The following LMAN1L variants were observed in gnomAD, a reference collection of about 807,000 sequenced individuals.
The protein encoded by LMAN1L is lectin, mannose binding 1 like, also known as protein ERGIC-53-like.
LMAN1L carries 60 observed loss-of-function variants against 58.3 expected under a neutral mutation model. The ratio of observed to expected loss-of-function variants is 1.03; its 90% CI spans 0.84 to 1.27. LMAN1L has a LOEUF of 1.27. Among genes scored for constraint, LMAN1L ranks in the 50% most tolerant of loss-of-function variants. LMAN1L has a pLI of 0.00. For synonymous variants in LMAN1L, 280 were observed against 271.6 expected (o/e 1.03, Z -0.31); for missense variants, 629 against 674.0 (o/e 0.93, Z 0.74).
chr15:74,819,386 G>T, intron 6 of LMAN1L, 114 bp downstream of exon 6: 3 of 1,372,796 alleles, frequency 2.2e-6, no homozygotes, highest in Non-Finnish European at 3.0e-6. Context: ...CATGACCTGG[G>T]CTTCTGTGAC....
At chr15:74,817,487 C>G (rs561702872) in intron 4 of LMAN1L, among the ~76,000 whole-genome samples, 97 of 152,330 alleles carry the variant, frequency 6.4e-4, no homozygotes, top group Admixed American at 2.9e-3. Flanking sequence ...CACTGTCAGA[C>G]GCTCTGCTGT....
Position 74,825,737 on chromosome 15 carries a change from A to C in LMAN1L, c.*132A>C. ...GCTTTCGGCATGCTCCCACCTCGTT[A>C]AAGGTGATTTCCCTCTCCCCATGCT... On this transcript the variant is annotated 3_prime_UTR_variant, in exon 14 of 14. Coordinates refer to ENST00000309664, the MANE Select transcript of LMAN1L (RefSeq NM_021819.3). The C allele has an allele frequency of 1.2e-6, 1 of 830,572 alleles. No individual in the cohort carries two copies. The highest frequency in any genetic ancestry group is 1.7e-5 in the South Asian group (1 of 58,418). The allele number at this position is 830,572 out of a possible 1,614,324, so 51.5% of individuals were successfully genotyped here. A position where few individuals can be genotyped will look rare whatever the true frequency, so the allele number is the denominator to read the frequency against.
chr15:74,825,641 A>C lies in LMAN1L; in HGVS notation c.*36A>C. 1 of 1,592,234 alleles carries C rather than the reference A, an allele frequency of 6.3e-7. No homozygotes were observed. The highest frequency in any genetic ancestry group is 8.6e-7 in the Non-Finnish European group (1 of 1,166,096). Reference sequence around the variant, plus strand: ...AGCCTGCTTTGCATCACTGGGAAGCAGGCAGTGTCTTGGGTGGGGGCTTGG... The same window carrying C: ...AGCCTGCTTTGCATCACTGGGAAGCCGGCAGTGTCTTGGGTGGGGGCTTGG... On this transcript the variant is annotated 3_prime_UTR_variant, in exon 14 of 14. Coordinates refer to ENST00000309664, the MANE Select transcript of LMAN1L (RefSeq NM_021819.3).
chr15:74,819,471 G>A, intron 6 of LMAN1L, 199 bp downstream of exon 6: 1 of 670,028 alleles, frequency 1.5e-6, no homozygotes, highest in Non-Finnish European at 2.4e-6. Context: ...TTTGATTTCA[G>A]TGCTGGCCAC....
Position 74,821,918 on chromosome 15 carries a change from G to C in LMAN1L, c.1131+18G>C. On this transcript the variant is annotated intron_variant, in intron 10 of 13. Transcript: ENST00000309664. ...TCAATAAGGTAGGGACCCAAACACTGGGTGTTGACCAGCACTGGCCCCAGC... is the reference window on the plus strand; with the variant it reads ...TCAATAAGGTAGGGACCCAAACACTCGGTGTTGACCAGCACTGGCCCCAGC... The C allele has an allele frequency of 6.4e-7, 1 of 1,569,054 alleles. No homozygotes were observed. Among genetic ancestry groups the C allele is most frequent in the East Asian group, 2.2e-5 (1 of 44,644 alleles).
Position 74,820,697 on chromosome 15 carries a change from G to T in LMAN1L, c.837G>T (p.Leu279=), listed in dbSNP as rs778756080. The change falls in exon 8 of 14, where the codon CTG becomes CTT. Residue 279 remains leucine, a synonymous_variant. Transcript: ENST00000309664. ...GCCTGGCGAGGCAGCTGGAAGGGCT[G>T]TGGGCAAGGCTGGGCTTGGGCACCA... is the stretch of plus-strand genomic sequence containing the variant. ...QLRLARQLEG[L]WARLGLGTRE... 1.9e-6 allele frequency: 3 copies of T among 1,613,988 alleles called. No homozygotes were observed. The highest frequency in any genetic ancestry group is 2.5e-6 in the Non-Finnish European group (3 of 1,180,018).
At chr15:74,824,266 G>T in intron 12 of LMAN1L, 85 bp from the exon 13 acceptor site, 2 of 1,327,260 alleles carry the variant, frequency 1.5e-6, no homozygotes, top group East Asian at 4.6e-5. Flanking sequence ...GAAAGGAAAC[G>T]GAGCATGCAC....
chr15:74,814,370 T>TTG (rs1218203864), intron 1 of LMAN1L, among the ~76,000 whole-genome samples: 2 of 80,398 alleles, frequency 2.5e-5, no homozygotes, highest in Non-Finnish European at 6.1e-5. Flanking sequence ...ATTTTTGTTT[T>TTG]TGTTTTTGTT....
chr15:74,823,877 C>G, intron 12 of LMAN1L, 195 bp downstream of exon 12: 1 of 613,436 alleles, frequency 1.6e-6, no homozygotes, highest in Non-Finnish European at 2.8e-6. Context: ...CTCATCTTTT[C>G]TCTGTCCTCT....
intron 12 of LMAN1L, 176 bp downstream of exon 12, chr15:74,823,858 AC>A (rs1714849420): frequency 1.5e-6 from 1 of 649,988 alleles, no homozygotes; most frequent in Non-Finnish European, 2.6e-6. Flanking sequence ...CATACGTGCC[AC>A]CACACATCTC....
At chr15:74,817,918 C>T (rs1046292602) in intron 4 of LMAN1L, among the ~76,000 whole-genome samples, 6 of 150,578 alleles carry the variant, frequency 4.0e-5, no homozygotes, top group Non-Finnish European at 8.9e-5. Context: ...GAGGCTGAGG[C>T]AGGAGAACCG....
Position 74,819,958 on chromosome 15 carries a change from G to A in LMAN1L, c.719-86G>A, listed in dbSNP as rs368536331. 59 of 1,262,802 alleles carry A rather than the reference G, an allele frequency of 4.7e-5. No homozygotes were observed. In the South Asian group the frequency reaches 6.8e-4, roughly 14 times the overall value. 78.2% of individuals were successfully genotyped at this position (1,262,802 alleles called of 1,614,324 possible). Reference sequence around the variant, plus strand: ...CAAAGTCACCCCTCTTGCCTCGGTGGGATATCATGGCGGTTAGGGTGAAGG... The same window carrying A: ...CAAAGTCACCCCTCTTGCCTCGGTGAGATATCATGGCGGTTAGGGTGAAGG... On this transcript the variant is annotated intron_variant, in intron 6 of 13. Coordinates refer to ENST00000309664, the MANE Select transcript of LMAN1L (RefSeq NM_021819.3).
chr15:74,816,801 C>G, intron 4 of LMAN1L, 111 bp downstream of exon 4: 1 of 1,047,460 alleles, frequency 9.5e-7, no homozygotes. Context: ...CCCACCCTGC[C>G]GGGCCGCCAT....
chr15:74,824,709 G>A (rs1044800977), intron 13 of LMAN1L: 7 of 487,868 alleles, frequency 1.4e-5, no homozygotes, highest in African/African-American at 1.4e-4. Flanking sequence ...CACTCACACA[G>A]GTCTAACTGA....
At chr15:74,816,602 C>T (rs369165871) in intron 3 of LMAN1L, 30 bp from the exon 4 acceptor site, 46 of 1,606,120 alleles carry the variant, frequency 2.9e-5, no homozygotes, top group Non-Finnish European at 3.7e-5. Context: ...GCCATGTCCG[C>T]GGCTCAGGCT....
At chr15:74,814,595 G>A (rs1057017445) in intron 1 of LMAN1L, among the ~76,000 whole-genome samples, 4 of 152,176 alleles carry the variant, frequency 2.6e-5, no homozygotes, top group Non-Finnish European at 4.4e-5. Flanking sequence ...GGATGGTTTC[G>A]ATCTCCTGAC....
chr15:74,820,736 T>A lies in LMAN1L; in HGVS notation c.876T>A (p.Thr292=), dbSNP rs2063912820. 1.9e-6 allele frequency: 3 copies of A among 1,613,286 alleles called. No individual in the cohort carries two copies. The highest frequency in any genetic ancestry group is 8.5e-7 in the Non-Finnish European group (1 of 1,179,828). ...RLGLGTREDV[T]PKSDSEAQGE... Reference sequence around the variant, plus strand: ...GCTTGGGCACCAGGGAGGATGTAACTCCAAAATCAGACTCTGAAGCTCAAG... The same window carrying A: ...GCTTGGGCACCAGGGAGGATGTAACACCAAAATCAGACTCTGAAGCTCAAG... The change falls in exon 8 of 14, where the codon ACT becomes ACA. Residue 292 remains threonine, a synonymous_variant. Transcript: ENST00000309664.
chr15:74,819,193 GTTCTGTGTGGATGTGGGGCCCC>G lies in LMAN1L; in HGVS notation c.641_662del (p.Phe214CysfsTer28), dbSNP rs1423167695. 1.2e-6 allele frequency: 2 copies of G among 1,614,056 alleles called. No homozygotes were observed. Among genetic ancestry groups the G allele is most frequent in the East Asian group, 4.5e-5 (2 of 44,892 alleles). ...GCCTCACTCCCAGTGATCCAGGTGA[GTTCTGTGTGGATGTGGGGCCCC>G]TGCTTTTGGTCCCTGGAGGTTTCTT... is the stretch of plus-strand genomic sequence containing the variant. On this transcript the variant is annotated frameshift_variant, in exon 6 of 14. Transcript: ENST00000309664. LOFTEE classifies it high-confidence loss of function.
Position 74,813,045 on chromosome 15 carries a change from G to A in LMAN1L, c.175+16G>A. The A allele has an allele frequency of 6.2e-7, 1 of 1,605,432 alleles. No individual in the cohort carries two copies. The highest frequency in any genetic ancestry group is 8.5e-7 in the Non-Finnish European group (1 of 1,175,240). Reference sequence around the variant, plus strand: ...CATCATGGAGGTGAGGGGCAGGGGTGGGGACCAGCTATGCCCAGGGTCCCT... The same window carrying A: ...CATCATGGAGGTGAGGGGCAGGGGTAGGGACCAGCTATGCCCAGGGTCCCT... On this transcript the variant is annotated intron_variant, in intron 1 of 13. Transcript: ENST00000309664.
Sources: gnomAD v4.1 joint callset for allele counts (sites outside exome capture counted in the v4.1 genomes callset) on GRCh38, gnomAD v4.1.1 for gene constraint, MANE v1.5 for transcripts, NCBI Gene and HGNC (gene_info 2026-07-23, HGNC 2026-07-21) for gene names.